TMCC3: variants seen among roughly 807,000 people sequenced by gnomAD.
TMCC3 encodes the protein transmembrane and coiled-coil domain family 3.
Under a neutral mutation model 40.2 loss-of-function variants are expected in TMCC3, and 28 were observed. The ratio of observed to expected loss-of-function variants is 0.70; its 90% CI spans 0.52 to 0.95. The LOEUF is 0.95. Among genes scored for constraint, TMCC3 ranks in the 40% least tolerant of loss-of-function variants. The pLI, the probability that TMCC3 is intolerant of heterozygous loss-of-function variation, is 0.00. For missense variants in TMCC3, 554 were observed against 615.2 expected (o/e 0.90, Z 1.05); for synonymous variants, 255 against 248.5 (o/e 1.03, Z -0.25).
At position 94,593,428 on chromosome 12, in the gene TMCC3, A is replaced by AAGAAGGAGAAGG. The variant is rs755215632; in HGVS notation, c.79-10902_79-10891dup. On this transcript the variant is annotated intron_variant, in intron 1 of 3. Coordinates refer to ENST00000261226, the MANE Select transcript of TMCC3 (RefSeq NM_020698.4). ...AGAAGAAGGAAGAAGAAGAAGGAAGAAGAAGGAGAAGGAGAAGGAGAAGGA... is the reference window on the plus strand; with the variant it reads ...AGAAGAAGGAAGAAGAAGAAGGAAGAAGAAGGAGAAGGAGAAGGAGAAGGAGAAGGAGAAGGA... Among the ~76,000 whole-genome samples the AAGAAGGAGAAGG allele has an allele frequency of 7.1e-5, 4 of 56,244 alleles. 1 individual carries two copies. The highest frequency in any genetic ancestry group is 1.6e-4 in the Non-Finnish European group (4 of 24,804). The allele number at this position is 56,244 out of a possible 152,430, so 36.9% of individuals were successfully genotyped here.
At position 94,640,801 on chromosome 12, in the gene TMCC3, G is replaced by C. The variant is rs373227179; in HGVS notation, c.78+9552C>G. Among the ~76,000 whole-genome samples the C allele has an allele frequency of 5.3e-5, 8 of 152,316 alleles. No homozygotes were observed. In the East Asian group the frequency reaches 1.2e-3, roughly 22 times the overall value. On this transcript the variant is annotated intron_variant, in intron 1 of 3. Transcript: ENST00000261226. ...GAGCTGACGTTCAAGTTTCACTCCA[G>C]AGTCCATTTCCTGATGCTTCACTCT...
Position 94,578,651 on chromosome 12 carries a change from T to C in TMCC3, c.996-122A>G. On this transcript the variant is annotated intron_variant, in intron 2 of 3. Transcript: ENST00000261226. Reference sequence around the variant, plus strand: ...CTCTCATTCCCTGATGGGCTGTTTTTCTAAAAGAGTAAGGCTAGCTGTGGG... The same window carrying C: ...CTCTCATTCCCTGATGGGCTGTTTTCCTAAAAGAGTAAGGCTAGCTGTGGG... The C allele has an allele frequency of 5.6e-6, 6 of 1,079,814 alleles. No individual in the cohort carries two copies. The South Asian group carries it at 9.8e-5, about 18-fold the overall frequency. The allele number at this position is 1,079,814 out of a possible 1,614,324, so 66.9% of individuals were successfully genotyped here. A position where few individuals can be genotyped will look rare whatever the true frequency, so the allele number is the denominator to read the frequency against.
At position 94,582,374 on chromosome 12, in the gene TMCC3, C is replaced by T. The variant is rs767623461; in HGVS notation, c.243G>A (p.Gln81=). The T allele has an allele frequency of 1.2e-6, 2 of 1,613,968 alleles. No homozygotes were observed. The highest frequency in any genetic ancestry group is 1.1e-5 in the South Asian group (1 of 91,074). Residue 81 remains glutamine, a synonymous_variant, in exon 2 of 4, where the codon CAG becomes CAA. Coordinates refer to ENST00000261226, the MANE Select transcript of TMCC3 (RefSeq NM_020698.4). ...CGCGCGATGTTTGCTCAATTTTTAT[C>T]TGCTCTGTTACCTTTAGAATTTTTT... ...LKQKILKVTE[Q]IKIEQTSRDG...
chr12:94,633,894 G>C (rs902663583), intron 1 of TMCC3, among the ~76,000 whole-genome samples: 1 of 151,816 alleles, frequency 6.6e-6, no homozygotes, highest in African/African-American at 2.4e-5. Context: ...TTTGTATTCA[G>C]ATTTGGTATT....
chr12:94,601,564 C>T (rs2138850237), intron 1 of TMCC3, among the ~76,000 whole-genome samples: 1 of 151,250 alleles, frequency 6.6e-6, no homozygotes, highest in South Asian at 2.1e-4. Context: ...GTGACTCATT[C>T]CTGTAATCCC....
chr12:94,641,053 A>G (rs58378297), intron 1 of TMCC3, among the ~76,000 whole-genome samples: 3,704 of 152,162 alleles, frequency 0.024, 84 homozygotes, highest in Admixed American at 0.079. Context: ...TACAAAAATT[A>G]TCTGGACATG....
chr12:94,602,666 AGGCT>A (rs2068759680), intron 1 of TMCC3, among the ~76,000 whole-genome samples: 1 of 152,176 alleles, frequency 6.6e-6, no homozygotes, highest in African/African-American at 2.4e-5. Flanking sequence ...TCTGTTGCCC[AGGCT>A]GGCTTCCAAC....
At chr12:94,618,464 G>T (rs2068858525) in intron 1 of TMCC3, among the ~76,000 whole-genome samples, 1 of 152,194 alleles carries the variant, frequency 6.6e-6, no homozygotes, top group Admixed American at 6.5e-5. Context: ...AATACAGAAT[G>T]ATGTGGCAAC....
intron 2 of TMCC3, among the ~76,000 whole-genome samples, chr12:94,579,945 C>G (rs995071202): frequency 3.3e-5 from 5 of 152,278 alleles, no homozygotes; most frequent in African/African-American, 9.6e-5. Context: ...CGTTCATACT[C>G]TGGAAAAGCT....
intron 3 of TMCC3, among the ~76,000 whole-genome samples, chr12:94,575,653 T>C (rs1283357195): frequency 6.6e-6 from 1 of 152,230 alleles, no homozygotes; most frequent in Admixed American, 6.5e-5. Context: ...CACTAAAATA[T>C]GTTTGTTAAA....
At chr12:94,582,899 C>T (rs550499862) in intron 1 of TMCC3, among the ~76,000 whole-genome samples, 1 of 151,246 alleles carries the variant, frequency 6.6e-6, no homozygotes, top group East Asian at 2.0e-4. Flanking sequence ...ACCACATTCA[C>T]TGGGAACTTC....
At position 94,642,441 on chromosome 12, in the gene TMCC3, C is replaced by T. The variant is rs567939414; in HGVS notation, c.78+7912G>A. ...CCACAGGGAGTTCTGGTGTGGACAC[C>T]GGGCTATGTTTTCTAGTTGCTTTAA... On this transcript the variant is annotated intron_variant, in intron 1 of 3. Transcript: ENST00000261226. Among the ~76,000 whole-genome samples the T allele has an allele frequency of 4.6e-5, 7 of 152,318 alleles. 1 individual carries two copies. In the South Asian group the frequency reaches 6.2e-4, roughly 14 times the overall value.
intron 1 of TMCC3, among the ~76,000 whole-genome samples, chr12:94,614,508 C>A (rs560583165): frequency 6.6e-6 from 1 of 152,258 alleles, no homozygotes; most frequent in South Asian, 2.1e-4. Context: ...AGGGTTTCTC[C>A]AGAATGGCCT....
chr12:94,596,271 G>C (rs927476516), intron 1 of TMCC3, among the ~76,000 whole-genome samples: 1 of 152,154 alleles, frequency 6.6e-6, no homozygotes, highest in Non-Finnish European at 1.5e-5. Flanking sequence ...AGATTTGAAA[G>C]GGGGAGGCAT....
Position 94,650,413 on chromosome 12 carries a change from C to CG in TMCC3, c.17dup (p.Ala7GlyfsTer25). 7.6e-7 allele frequency: 1 copy of CG among 1,309,392 alleles called. No individual in the cohort carries two copies. Among genetic ancestry groups the CG allele is most frequent in the East Asian group, 3.3e-5 (1 of 30,292 alleles). The allele number at this position is 1,309,392 out of a possible 1,614,324, so 81.1% of individuals were successfully genotyped here. A position where few individuals can be genotyped will look rare whatever the true frequency, so the allele number is the denominator to read the frequency against. ...AGTAGGTCCGGTCCACGGTGAGCGC[C>CG]GTGTCGCTGCCCGGCATCTCCGCGC... On this transcript the variant is annotated frameshift_variant, in exon 1 of 4. Coordinates refer to ENST00000261226, the MANE Select transcript of TMCC3 (RefSeq NM_020698.4). LOFTEE classifies it high-confidence loss of function.
At chr12:94,602,681 T>A (rs1231259128) in intron 1 of TMCC3, among the ~76,000 whole-genome samples, 4 of 152,004 alleles carry the variant, frequency 2.6e-5, no homozygotes, top group African/African-American at 9.7e-5. Flanking sequence ...GGCTTCCAAC[T>A]CCGGGGCTCC....
At position 94,625,160 on chromosome 12, in the gene TMCC3, T is replaced by A. The variant is rs75678932; in HGVS notation, c.78+25193A>T. Among the ~76,000 whole-genome samples the A allele has an allele frequency of 1.7e-3, 155 of 91,790 alleles. 1 individual carries two copies. Among genetic ancestry groups the A allele is most frequent in the African/African-American group, 5.0e-3 (132 of 26,370 alleles). The allele number at this position is 91,790 out of a possible 152,430, so 60.2% of individuals were successfully genotyped here. A position where few individuals can be genotyped will look rare whatever the true frequency, so the allele number is the denominator to read the frequency against. On this transcript the variant is annotated intron_variant, in intron 1 of 3. Coordinates refer to ENST00000261226, the MANE Select transcript of TMCC3 (RefSeq NM_020698.4). The stretch of plus-strand genomic sequence containing the variant: ...TCCATCTCAAAAAAAAAAAAAAAAA[T>A]TTTTTTTTTACAGAGGTTTGATTAC...
At position 94,580,094 on chromosome 12, in the gene TMCC3, C is replaced by T. The variant is rs116253730; in HGVS notation, c.995+1528G>A. Among the ~76,000 whole-genome samples, 511 of 152,218 alleles carry T rather than the reference C, an allele frequency of 3.4e-3. 4 individuals carry two copies. The highest frequency in any genetic ancestry group is 0.012 in the African/African-American group (486 of 41,540). On this transcript the variant is annotated intron_variant, in intron 2 of 3. Transcript: ENST00000261226. ...ATAAAATCATACATCAATTATAAAA[C>T]AATAAGTAAACTAAATTTAAACTTT... is the stretch of plus-strand genomic sequence containing the variant.
intron 2 of TMCC3, among the ~76,000 whole-genome samples, chr12:94,579,178 G>T (rs2068585566): frequency 6.6e-6 from 1 of 152,158 alleles, no homozygotes; most frequent in Non-Finnish European, 1.5e-5. Context: ...TCATTCCTGT[G>T]CCCTGCCCCT....
Sources: gnomAD v4.1 joint callset for allele counts (sites outside exome capture counted in the v4.1 genomes callset) on GRCh38, gnomAD v4.1.1 for gene constraint, MANE v1.5 for transcripts, NCBI Gene and HGNC (gene_info 2026-07-23, HGNC 2026-07-21) for gene names.